PTPRK: variants seen among roughly 807,000 people sequenced by gnomAD.
PTPRK encodes the protein receptor-type tyrosine-protein phosphatase kappa.
A neutral mutation model predicts 178.0 loss-of-function variants in PTPRK; 75 were observed. The ratio of observed to expected loss-of-function variants is 0.42; its 90% CI spans 0.35 to 0.51. The LOEUF (loss-of-function observed/expected upper bound fraction) is 0.51, where lower values mean the gene tolerates loss of function less well. Among genes scored for constraint, PTPRK ranks in the 20% least tolerant of loss-of-function variants. The pLI, the probability that PTPRK is intolerant of heterozygous loss-of-function variation, is 0.02. For synonymous variants in PTPRK, 637 were observed against 620.6 expected (o/e 1.03, Z -0.39); for missense variants, 1,441 against 1,797.8 (o/e 0.80, Z 3.59).
intron 7 of PTPRK, among the ~76,000 whole-genome samples, chr6:128,121,010 TAATC>T (rs1260033295): frequency 6.6e-6 from 1 of 152,056 alleles, no homozygotes; most frequent in East Asian, 1.9e-4. Flanking sequence ...AGGTTTTTAT[TAATC>T]AATCAAAATA....
chr6:128,195,942 A>G (rs1019731234), intron 6 of PTPRK, among the ~76,000 whole-genome samples: 1 of 152,152 alleles, frequency 6.6e-6, no homozygotes, highest in African/African-American at 2.4e-5. Flanking sequence ...TAAACAAAAA[A>G]CAATCATGTG....
chr6:128,203,852 A>G (rs1401985623), intron 6 of PTPRK, among the ~76,000 whole-genome samples: 1 of 152,184 alleles, frequency 6.6e-6, no homozygotes, highest in East Asian at 1.9e-4. Flanking sequence ...TACTGCCTAA[A>G]GTAATTTATA....
chr6:128,164,719 TG>T (rs11366394), intron 7 of PTPRK, among the ~76,000 whole-genome samples: 10,425 of 150,254 alleles, frequency 0.069, 848 homozygotes, highest in African/African-American at 0.19. Context: ...AATTACAGGC[TG>T]GGGGGGGAGA....
intron 3 of PTPRK, among the ~76,000 whole-genome samples, chr6:128,249,827 G>A (rs1816160501): frequency 6.6e-6 from 1 of 152,018 alleles, no homozygotes; most frequent in African/African-American, 2.4e-5. Context: ...GGATGATGAC[G>A]TGGTTGAAAG....
At chr6:128,489,495 T>C (rs1197657688) in intron 1 of PTPRK, among the ~76,000 whole-genome samples, 2 of 152,206 alleles carry the variant, frequency 1.3e-5, no homozygotes, top group Non-Finnish European at 2.9e-5. Flanking sequence ...TCATGATAAC[T>C]AAAGTGATAG....
At position 128,507,836 on chromosome 6, in the gene PTPRK, C is replaced by T. The variant is rs562256573; in HGVS notation, c.100+12423G>A. Among the ~76,000 whole-genome samples, 10 of 152,284 alleles carry T rather than the reference C, an allele frequency of 6.6e-5. No individual in the cohort carries two copies. In the South Asian group the frequency reaches 1.9e-3, roughly 28 times the overall value. On this transcript the variant is annotated intron_variant, in intron 1 of 29. Coordinates refer to ENST00000368226, the MANE Select transcript of PTPRK (RefSeq NM_002844.4). ...CTGCTTCCAGAGGGAGAGTTAGTGA[C>T]AGCAAACCTCCAGAAAACAAATGTG... is the stretch of plus-strand genomic sequence containing the variant.
intron 1 of PTPRK, among the ~76,000 whole-genome samples, chr6:128,451,496 G>GT (rs1554267281): frequency 2.6e-5 from 4 of 152,008 alleles, no homozygotes; most frequent in East Asian, 3.9e-4. Context: ...TGTGGGGTGA[G>GT]TTTTTTTAAT....
In PTPRK at chr6:128,156,600, C is replaced by T. The variant is rs534224803; in HGVS notation, c.1162+27832G>A. 2.0e-5 allele frequency among the ~76,000 whole-genome samples: 3 copies of T among 152,048 alleles called. No homozygotes were observed. The South Asian group carries it at 6.2e-4, about 32-fold the overall frequency. On this transcript the variant is annotated intron_variant, in intron 7 of 29. Coordinates refer to ENST00000368226, the MANE Select transcript of PTPRK (RefSeq NM_002844.4). The stretch of plus-strand genomic sequence containing the variant: ...AAGTCCACCCCCATGATTCAATCAA[C>T]TCCCACCAGGCCCTTCCTCCTACAT...
intron 1 of PTPRK, among the ~76,000 whole-genome samples, chr6:128,469,262 T>C (rs530323735): frequency 1.1e-4 from 17 of 152,306 alleles, no homozygotes; most frequent in African/African-American, 4.1e-4. Flanking sequence ...TGTAGATGTA[T>C]GCCAAGGGAA....
Position 127,973,958 on chromosome 6 carries a change from A to T in PTPRK, c.3970-131T>A, listed in dbSNP as rs1774224726. ...AGTCTAGCTGATATAAATCCTCAAT[A>T]TGTACATGCTAGTAAAAAAACATTC... On this transcript the variant is annotated intron_variant, in intron 27 of 29. Coordinates refer to ENST00000368226, the MANE Select transcript of PTPRK (RefSeq NM_002844.4). 3 of 847,448 alleles carry T rather than the reference A, an allele frequency of 3.5e-6. No homozygotes were observed. In the East Asian group the frequency reaches 8.2e-5, roughly 23 times the overall value. The allele number at this position is 847,448 out of a possible 1,614,324, so 52.5% of individuals were successfully genotyped here. A position where few individuals can be genotyped will look rare whatever the true frequency, so the allele number is the denominator to read the frequency against.
chr6:128,017,802 GTATATATATATATA>G lies in PTPRK; in HGVS notation c.2195-8548_2195-8535del, dbSNP rs34836605. 2.7e-3 allele frequency among the ~76,000 whole-genome samples: 273 copies of G among 101,260 alleles called. 5 individuals carry two copies. The highest frequency in any genetic ancestry group is 8.5e-3 in the African/African-American group (257 of 30,276). The allele number at this position is 101,260 out of a possible 152,430, so 66.4% of individuals were successfully genotyped here. A position where few individuals can be genotyped will look rare whatever the true frequency, so the allele number is the denominator to read the frequency against. ...TACATATATAAATAAATATATATGT[GTATATATATATATA>G]TATATATATATATATATTTGGCAGA... On this transcript the variant is annotated intron_variant, in intron 13 of 29. Transcript: ENST00000368226.
intron 5 of PTPRK, among the ~76,000 whole-genome samples, chr6:128,232,713 T>C (rs974893519): frequency 6.6e-6 from 1 of 152,214 alleles, no homozygotes; most frequent in Non-Finnish European, 1.5e-5. Context: ...ATTTGTGCCA[T>C]GTGCCTTTAG....
chr6:128,322,667 A>AATATATATATATATATATACATATATAT (rs10651820), intron 2 of PTPRK, among the ~76,000 whole-genome samples: 2 of 143,722 alleles, frequency 1.4e-5, no homozygotes, highest in Non-Finnish European at 3.0e-5. Context: ...CTTTTAATAT[A>AATATATATATATATATATACATATATAT]ATATATATAT....
At chr6:127,993,705 A>T (rs1236214706) in intron 18 of PTPRK, among the ~76,000 whole-genome samples, 2 of 151,674 alleles carry the variant, frequency 1.3e-5, no homozygotes, top group African/African-American at 2.4e-5. Context: ...TTTTATGGAA[A>T]AATTTTTCCA....
intron 7 of PTPRK, among the ~76,000 whole-genome samples, chr6:128,179,570 C>CA (rs1377195214): frequency 1.3e-5 from 2 of 151,738 alleles, no homozygotes; most frequent in East Asian, 1.9e-4. Flanking sequence ...TCATACATTT[C>CA]AAAAAAATTT....
intron 1 of PTPRK, among the ~76,000 whole-genome samples, chr6:128,467,218 T>C (rs976049670): frequency 6.6e-6 from 1 of 152,092 alleles, no homozygotes; most frequent in Non-Finnish European, 1.5e-5. Flanking sequence ...CCCAGGCTGG[T>C]CTCAAACTTC....
intron 14 of PTPRK, 61 bp from the exon 15 acceptor site, chr6:128,005,305 C>T (rs1210265142): frequency 8.4e-6 from 13 of 1,553,938 alleles, no homozygotes; most frequent in Admixed American, 6.8e-5. Flanking sequence ...GAGTTAACAC[C>T]AGCAATAAAT....
chr6:128,321,233 T>C (rs923733014), intron 3 of PTPRK: 1 of 152,604 alleles, frequency 6.6e-6, no homozygotes, highest in Admixed American at 6.6e-5. Flanking sequence ...AAACAAGTCC[T>C]TTAAAAGTTT....
intron 1 of PTPRK, among the ~76,000 whole-genome samples, chr6:128,405,947 G>A (rs1841597122): frequency 6.6e-6 from 1 of 151,754 alleles, no homozygotes; most frequent in Admixed American, 6.6e-5. Context: ...TACACTTCAA[G>A]AAAATAGATA....
Sources: allele counts gnomAD v4.1 joint callset (sites outside exome capture counted in the v4.1 genomes callset), GRCh38; gene constraint gnomAD v4.1.1; transcripts MANE v1.5; gene names NCBI Gene and HGNC (gene_info 2026-07-23, HGNC 2026-07-21).